The following UFL1 variants were observed in gnomAD, a reference collection of about 807,000 sequenced individuals.
The protein encoded by UFL1 is UFM1 specific ligase 1.
In UFL1, 78 loss-of-function variants were observed where a neutral mutation model predicts 99.3. That is an observed-to-expected ratio of 0.79 (90% CI 0.65 to 0.95). UFL1 has a LOEUF of 0.95. UFL1 is among the 40% of genes least tolerant of loss of function. The pLI is 0.00. For missense variants in UFL1, 936 were observed against 937.0 expected, an observed-to-expected ratio of 1.00 and a Z score of 0.01; for synonymous variants, 335 against 322.2, an observed-to-expected ratio of 1.04 and a Z score of -0.42.
At chr6:96,543,131 G>A in intron 12 of UFL1, 115 bp downstream of exon 12, 24 of 1,274,624 alleles carry the variant, frequency 1.9e-5, no homozygotes, top group Non-Finnish European at 2.5e-5. Flanking sequence ...ATTTTGCAGT[G>A]TTTCAGTGAC....
intron 3 of UFL1, 47 bp from the exon 4 acceptor site, chr6:96,525,250 G>A: frequency 1.4e-6 from 2 of 1,401,648 alleles, no homozygotes; most frequent in Non-Finnish European, 2.0e-6. Context: ...TCAAGCTTAA[G>A]AAACAATACA....
rs1770114422 is a variant in UFL1, at chr6:96,553,692, G to A, written c.*189G>A. On this transcript the variant is annotated 3_prime_UTR_variant, in exon 19 of 19. Coordinates refer to ENST00000369278, the MANE Select transcript of UFL1 (RefSeq NM_015323.5). ...AAAAAGATGTGAATTTTTGTAAATT[G>A]GGTTCTTCATGGAAGTTTTTTTCCA... is the stretch of plus-strand genomic sequence containing the variant. The A allele has an allele frequency of 4.7e-6, 2 of 429,202 alleles. No homozygotes were observed. 26.6% of individuals were successfully genotyped at this position (429,202 alleles called of 1,614,324 possible).
At chr6:96,544,590 A>G (rs559437184) in intron 12 of UFL1, among the ~76,000 whole-genome samples, 1 of 151,198 alleles carries the variant, frequency 6.6e-6, no homozygotes, top group East Asian at 1.9e-4. Context: ...ATTCTGAGAT[A>G]GGTAGAAATA....
At position 96,529,275 on chromosome 6, in the gene UFL1, A is replaced by G. The variant is rs56393760; in HGVS notation, c.596+643A>G. ...CTTCATCTCAGTGGCTATATGCCCT[A>G]TCAGCATTTAAATATGTCCAAAAGT... is the stretch of plus-strand genomic sequence containing the variant. On this transcript the variant is annotated intron_variant, in intron 6 of 18. Coordinates refer to ENST00000369278, the MANE Select transcript of UFL1 (RefSeq NM_015323.5). Among the ~76,000 whole-genome samples, 781 of 152,260 alleles carry G rather than the reference A, an allele frequency of 5.1e-3. 11 individuals are homozygous for G. Among genetic ancestry groups the G allele is most frequent in the African/African-American group, 0.018 (742 of 41,552 alleles).
At chr6:96,534,656 G>T (rs924885735) in intron 7 of UFL1, among the ~76,000 whole-genome samples, 15 of 151,874 alleles carry the variant, frequency 9.9e-5, no homozygotes, top group African/African-American at 3.6e-4. Flanking sequence ...TTATGATTTT[G>T]TTACATTATC....
chr6:96,542,768 C>A, intron 11 of UFL1, 126 bp from the exon 12 acceptor site: 1 of 942,826 alleles, frequency 1.1e-6, no homozygotes, highest in Non-Finnish European at 1.4e-6. Context: ...TAAAAAGAGT[C>A]TAAAAGTTTC....
At chr6:96,541,674 T>C (rs992414963) in intron 11 of UFL1, among the ~76,000 whole-genome samples, 1 of 151,264 alleles carries the variant, frequency 6.6e-6, no homozygotes, top group Non-Finnish European at 1.5e-5. Context: ...TTTGAAGATA[T>C]AGTTATAAAT....
chr6:96,523,746 A>G (rs1409026510), intron 2 of UFL1, among the ~76,000 whole-genome samples: 1 of 152,158 alleles, frequency 6.6e-6, no homozygotes, highest in Non-Finnish European at 1.5e-5. Context: ...CACCAATCAT[A>G]TTGTATGAAA....
intron 2 of UFL1, among the ~76,000 whole-genome samples, chr6:96,523,869 C>T (rs1478587406): frequency 6.6e-6 from 1 of 152,134 alleles, no homozygotes; most frequent in African/African-American, 2.4e-5. Flanking sequence ...ATGAAAGCCT[C>T]TCTTCATATT....
chr6:96,527,370 A>T (rs1769719258), intron 5 of UFL1, among the ~76,000 whole-genome samples: 2 of 152,152 alleles, frequency 1.3e-5, no homozygotes, highest in African/African-American at 4.8e-5. Context: ...CAATGGAGAA[A>T]CTAAATAATG....
At chr6:96,542,584 T>TGTCCTCC (rs1769946433) in intron 11 of UFL1, among the ~76,000 whole-genome samples, 1 of 151,110 alleles carries the variant, frequency 6.6e-6, no homozygotes, top group Non-Finnish European at 1.5e-5. Context: ...AGGAATGGAT[T>TGTCCTCC]TTTGTTAAGA....
rs1562257795 is a variant in UFL1, at chr6:96,551,849, CTT to C, written c.1913_1914del (p.Phe638TyrfsTer12). 3 of 1,602,418 alleles carry C rather than the reference CTT, an allele frequency of 1.9e-6. No homozygotes were observed. Among genetic ancestry groups the C allele is most frequent in the Non-Finnish European group, 1.7e-6 (2 of 1,173,388 alleles). On this transcript the variant is annotated frameshift_variant, in exon 17 of 19. Transcript: ENST00000369278. LOFTEE classifies it high-confidence loss of function. The part of the protein sequence containing the change: ...NSLNEKSIED[F>X]ISCLDSAAEA... Reference sequence around the variant, plus strand: ...CAATGCCTTTTCAGAGCATAGAAGACTTTATTTCTTGTCTGGATTCTGCAGCA... The same window carrying C: ...CAATGCCTTTTCAGAGCATAGAAGACTATTTCTTGTCTGGATTCTGCAGCA...
intron 1 of UFL1, among the ~76,000 whole-genome samples, chr6:96,522,274 C>G (rs918886699): frequency 3.3e-5 from 5 of 152,178 alleles, no homozygotes; most frequent in Non-Finnish European, 7.4e-5. Flanking sequence ...CACCAACCAC[C>G]AAATCACTGT....
chr6:96,542,937 A>G lies in UFL1; in HGVS notation c.1323A>G (p.Arg441=). Residue 441 remains arginine (R), a synonymous_variant, in exon 12 of 19, where the codon AGA becomes AGG. Coordinates refer to ENST00000369278, the MANE Select transcript of UFL1 (RefSeq NM_015323.5). ...SMRGGGGGNA[R]EYKIKKVKKK... Reference sequence around the variant, plus strand: ...GAGGAGGAGGTGGGGGCAATGCCAGAGAGTACAAAATTAAAAAAGTCAAGA... The same window carrying G: ...GAGGAGGAGGTGGGGGCAATGCCAGGGAGTACAAAATTAAAAAAGTCAAGA... 3 of 1,602,214 alleles carry G rather than the reference A, an allele frequency of 1.9e-6. No homozygotes were observed. The highest frequency in any genetic ancestry group is 2.6e-6 in the Non-Finnish European group (3 of 1,173,652).
chr6:96,542,789 C>G, intron 11 of UFL1, 105 bp from the exon 12 acceptor site: 2 of 1,174,470 alleles, frequency 1.7e-6, no homozygotes, highest in Non-Finnish European at 2.2e-6. Flanking sequence ...TTTATTTTGC[C>G]TTTATTTTTT....
Position 96,548,283 on chromosome 6 carries a change from C to G in UFL1, c.1520+2C>G. 1 of 1,524,882 alleles carries G rather than the reference C, an allele frequency of 6.6e-7. No homozygotes were observed. Among genetic ancestry groups the G allele is most frequent in the South Asian group, 1.2e-5 (1 of 82,468 alleles). The allele number at this position is 1,524,882 out of a possible 1,614,324, so 94.5% of individuals were successfully genotyped here. A position where few individuals can be genotyped will look rare whatever the true frequency, so the allele number is the denominator to read the frequency against. ...GGAACTTGCTGAGTACTTAATAAAG[C>G]AAGTATAAAATGTATTTTTTCTGTT... On this transcript the variant is annotated splice_donor_variant, in intron 13 of 18. Transcript: ENST00000369278. LOFTEE classifies it high-confidence loss of function.
Position 96,551,477 on chromosome 6 carries a change from A to T in UFL1, c.1863A>T (p.Val621=), listed in dbSNP as rs1221126619. ...GTAAATTATCAGAAGAAACCAAAGTAGCTCTTACAAAACTCCATAACTCTC... is the reference window on the plus strand; with the variant it reads ...GTAAATTATCAGAAGAAACCAAAGTTGCTCTTACAAAACTCCATAACTCTC... ...ILSKLSEETK[V]ALTKLHNSLN... The change falls in exon 16 of 19, where the codon GTA becomes GTT. Residue 621 remains valine (V), a synonymous_variant. Coordinates refer to ENST00000369278, the MANE Select transcript of UFL1 (RefSeq NM_015323.5). 2 of 1,538,650 alleles carry T rather than the reference A, an allele frequency of 1.3e-6. No individual in the cohort carries two copies.
intron 17 of UFL1, 76 bp downstream of exon 17, chr6:96,551,999 GC>G: frequency 9.8e-7 from 1 of 1,024,282 alleles, no homozygotes; most frequent in African/African-American, 1.6e-5. Context: ...GAATTTGACT[GC>G]CCGGCTCTTA....
intron 7 of UFL1, among the ~76,000 whole-genome samples, chr6:96,535,228 GCACAAA>G (rs1769836212): frequency 6.6e-6 from 1 of 151,884 alleles, no homozygotes; most frequent in Admixed American, 6.6e-5. Flanking sequence ...TAAAATTCAT[GCACAAA>G]CTAATTTTTA....
Sources: allele counts gnomAD v4.1 joint callset (sites outside exome capture counted in the v4.1 genomes callset), GRCh38; gene constraint gnomAD v4.1.1; transcripts MANE v1.5; gene names NCBI Gene and HGNC (gene_info 2026-07-23, HGNC 2026-07-21).